MMD2: variants seen among roughly 807,000 people sequenced by gnomAD.
MMD2 encodes the protein monocyte to macrophage differentiation factor 2.
Under a neutral mutation model 33.5 loss-of-function variants are expected in MMD2, and 30 were observed. That is an observed-to-expected ratio of 0.90 (90% CI 0.67 to 1.22). The LOEUF is 1.22. Ranked by LOEUF, MMD2 falls within the 50% of genes most tolerant of loss-of-function variation. The pLI is 0.00. For missense variants in MMD2, 364 were observed against 325.4 expected, an observed-to-expected ratio of 1.12 and a Z score of -0.91; for synonymous variants, 129 against 123.0, an observed-to-expected ratio of 1.05 and a Z score of -0.32.
At chr7:4,923,160 G>A (rs1395658910) in intron 2 of MMD2, among the ~76,000 whole-genome samples, 2 of 151,700 alleles carry the variant, frequency 1.3e-5, no homozygotes, top group Non-Finnish European at 2.9e-5. Flanking sequence ...CTGGAGTAAA[G>A]TGGCACAATC....
At position 4,907,322 on chromosome 7, in the gene MMD2, T is replaced by C; in HGVS notation, c.*74A>G. 5 of 1,464,918 alleles carry C rather than the reference T, an allele frequency of 3.4e-6. No homozygotes were observed. Among genetic ancestry groups the C allele is most frequent in the Non-Finnish European group, 4.8e-6 (5 of 1,049,238 alleles). The allele number at this position is 1,464,918 out of a possible 1,614,324, so 90.7% of individuals were successfully genotyped here. Reference sequence around the variant, plus strand: ...ATAAAGGGAAGACAGGCCTTGGCGCTGTGCTCTGGGTTAACGTTCACAGAA... The same window carrying C: ...ATAAAGGGAAGACAGGCCTTGGCGCCGTGCTCTGGGTTAACGTTCACAGAA... On this transcript the variant is annotated 3_prime_UTR_variant, in exon 7 of 7. Coordinates refer to ENST00000401401, the MANE Select transcript of MMD2 (RefSeq NM_198403.4).
At chr7:4,898,954 CAAGCTAGGAAGGAAGG>C in the MMD2 span, among the ~76,000 whole-genome samples, 7 of 151,448 alleles carry the variant, frequency 4.6e-5, no homozygotes, top group East Asian at 1.9e-4. Context: ...AGCAAGCAAG[CAAGCTAGGAAGGAAGG>C]AAGCTAGGAA....
chr7:4,931,948 A>AAGAGGCATCCAAGAACTGG, intron 1 of MMD2, among the ~76,000 whole-genome samples: 1 of 152,116 alleles, frequency 6.6e-6, no homozygotes, highest in African/African-American at 2.4e-5. Context: ...CTGGGCAGGG[A>AAGAGGCATCCAAGAACTGG]GTCCGGAGAC....
rs759603435 is a variant in MMD2 at position 4,959,051 on chromosome 7, C to A, written c.-34G>T. On this transcript the variant is annotated 5_prime_UTR_variant, in exon 1 of 7. Coordinates refer to ENST00000401401, the MANE Select transcript of MMD2 (RefSeq NM_198403.4). ...TTCCATGGGAATCTGGCCCCGGGCT[C>A]AGAGCGCGGGTAGCTGGCAGAGCCT... 3.0e-5 allele frequency: 37 copies of A among 1,250,764 alleles called. No individual in the cohort carries two copies. Among genetic ancestry groups the A allele is most frequent in the Non-Finnish European group, 3.6e-5 (36 of 989,320 alleles). The allele number at this position is 1,250,764 out of a possible 1,614,324, so 77.5% of individuals were successfully genotyped here.
intron 1 of MMD2, among the ~76,000 whole-genome samples, chr7:4,925,936 C>T (rs552581562): frequency 6.6e-6 from 1 of 152,296 alleles, no homozygotes; most frequent in Admixed American, 6.5e-5. Context: ...GCCTCAGCCT[C>T]CTGAGTAGCT....
intron 1 of MMD2, among the ~76,000 whole-genome samples, chr7:4,943,307 C>T (rs924566155): frequency 1.3e-5 from 2 of 152,034 alleles, no homozygotes; most frequent in African/African-American, 4.8e-5. Context: ...CCGCGCCTGG[C>T]CTTTTTTCTG....
At position 4,942,223 on chromosome 7, in the gene MMD2, G is replaced by T. The variant is rs539426042; in HGVS notation, c.48-16691C>A. Among the ~76,000 whole-genome samples, 57 of 152,098 alleles carry T rather than the reference G, an allele frequency of 3.7e-4. 1 individual carries two copies. In the South Asian group the frequency reaches 0.01, roughly 27 times the overall value. Reference sequence around the variant, plus strand: ...CTGCCTTGACCTCCCAAAGTGCTGGGATTACAGGCATGAGCCACCATGCCT... The same window carrying T: ...CTGCCTTGACCTCCCAAAGTGCTGGTATTACAGGCATGAGCCACCATGCCT... On this transcript the variant is annotated intron_variant, in intron 1 of 6. Coordinates refer to ENST00000401401, the MANE Select transcript of MMD2 (RefSeq NM_198403.4).
chr7:4,919,971 A>G (rs4724187), intron 3 of MMD2, among the ~76,000 whole-genome samples, 200 bp downstream of exon 3: 70,565 of 151,818 alleles, frequency 0.46, 17,134 homozygotes, highest in African/African-American at 0.6. Flanking sequence ...CCCTGAAGAG[A>G]CTCAACCGCA....
intron 2 of MMD2, 67 bp from the exon 3 acceptor site, chr7:4,920,398 T>G (rs2115103648): frequency 1.3e-6 from 2 of 1,526,282 alleles, no homozygotes; most frequent in Non-Finnish European, 1.8e-6. Context: ...CTCCTGCCCC[T>G]TCCCCGGCTG....
intron 4 of MMD2, among the ~76,000 whole-genome samples, chr7:4,914,529 C>A (rs775698642): frequency 5.9e-5 from 9 of 152,238 alleles, no homozygotes; most frequent in Non-Finnish European, 1.3e-4. Context: ...TTGTCCCCAA[C>A]AAAGAGAGGG....
chr7:4,909,099 T>C (rs890574534), intron 6 of MMD2, among the ~76,000 whole-genome samples: 1 of 152,008 alleles, frequency 6.6e-6, no homozygotes, highest in Non-Finnish European at 1.5e-5. Context: ...TTTTGCTTCA[T>C]GGCAAAAAAT....
At chr7:4,932,624 A>AT (rs34390864) in intron 1 of MMD2, among the ~76,000 whole-genome samples, 1,548 of 137,750 alleles carry the variant, frequency 0.011, 34 homozygotes, top group African/African-American at 0.034. Flanking sequence ...TCTGTGGTGC[A>AT]TTTTTTTTTT....
the MMD2 span, among the ~76,000 whole-genome samples, chr7:4,897,075 G>A: frequency 6.6e-6 from 1 of 151,852 alleles, no homozygotes; most frequent in African/African-American, 2.4e-5. Context: ...GACTGAGCTA[G>A]TTTGGAACTC....
intron 3 of MMD2, among the ~76,000 whole-genome samples, chr7:4,916,990 T>G (rs1583363576): frequency 6.6e-6 from 1 of 152,150 alleles, no homozygotes; most frequent in Non-Finnish European, 1.5e-5. Context: ...GAGGATCTCT[T>G]GACCCTGGGA....
chr7:4,925,647 TC>T, intron 1 of MMD2, 115 bp from the exon 2 acceptor site: 6 of 604,936 alleles, frequency 9.9e-6, no homozygotes, highest in Non-Finnish European at 1.7e-5. Flanking sequence ...GCACTCCCCT[TC>T]TCCCTTTTTC....
chr7:4,915,915 C>A, intron 4 of MMD2, 90 bp downstream of exon 4: 3 of 1,355,410 alleles, frequency 2.2e-6, no homozygotes, highest in South Asian at 2.5e-5. Flanking sequence ...TGTGCCAAGT[C>A]AACACATTAC....
At chr7:4,916,279 C>T (rs1211719545) in intron 3 of MMD2, among the ~76,000 whole-genome samples, 200 bp from the exon 4 acceptor site, 1 of 151,682 alleles carries the variant, frequency 6.6e-6, no homozygotes, top group East Asian at 1.9e-4. Flanking sequence ...GGCTCCTTAT[C>T]ACCCTAGGGG....
chr7:4,911,291 C>G (rs1028316532), intron 4 of MMD2, 45 bp from the exon 5 acceptor site: 1 of 1,482,372 alleles, frequency 6.7e-7, no homozygotes, highest in Non-Finnish European at 9.2e-7. Flanking sequence ...GGGGGCCCAC[C>G]AGGACCCCGG....
At chr7:4,944,029 G>C (rs954791531) in intron 1 of MMD2, among the ~76,000 whole-genome samples, 4 of 151,762 alleles carry the variant, frequency 2.6e-5, no homozygotes, top group Non-Finnish European at 5.9e-5. Context: ...GAACTCTTTA[G>C]CTCAAGCAAT....
Sources: gnomAD v4.1 joint callset for allele counts (sites outside exome capture counted in the v4.1 genomes callset) on GRCh38, gnomAD v4.1.1 for gene constraint, MANE v1.5 for transcripts, NCBI Gene and HGNC (gene_info 2026-07-23, HGNC 2026-07-21) for gene names.